The following CATSPERE variants were observed in gnomAD, a reference collection of about 807,000 sequenced individuals.
CATSPERE encodes the protein catsper channel auxiliary subunit epsilon, also known as cation channel sperm-associated auxiliary subunit epsilon.
In CATSPERE, 93 loss-of-function variants were observed where a neutral mutation model predicts 114.1. The observed-to-expected ratio is 0.81, with a 90% confidence interval of 0.69 to 0.97. The LOEUF is 0.97. Among genes scored for constraint, CATSPERE ranks in the 50% least tolerant of loss-of-function variants. The pLI is 0.00. For synonymous variants in CATSPERE, 341 were observed against 384.1 expected (o/e 0.89, Z 1.31); for missense variants, 1,058 against 1,131.6 (o/e 0.93, Z 0.93).
At chr1:244,454,739 T>C (rs1388448408) in intron 1 of CATSPERE, 3 of 152,560 alleles carry the variant, frequency 2.0e-5, no homozygotes, top group African/African-American at 7.2e-5. Context: ...AGTCTTAGGC[T>C]GTAGCAAATC....
intron 2 of CATSPERE, among the ~76,000 whole-genome samples, chr1:244,468,200 C>T (rs572211701): frequency 6.6e-6 from 1 of 151,906 alleles, no homozygotes; most frequent in African/African-American, 2.4e-5. Flanking sequence ...TCAAGCAATT[C>T]TTCTGCCTCA....
intron 11 of CATSPERE, among the ~76,000 whole-genome samples, chr1:244,576,248 C>A (rs992286024): frequency 6.6e-6 from 1 of 151,888 alleles, no homozygotes; most frequent in South Asian, 2.1e-4. Context: ...CCCCTGAGGC[C>A]ACTGCAGTGA....
At chr1:244,588,636 C>G (rs1290879120) in intron 14 of CATSPERE, 102 bp downstream of exon 14, 7 of 905,214 alleles carry the variant, frequency 7.7e-6, no homozygotes, top group Non-Finnish European at 1.3e-5. Context: ...ACTGACACAT[C>G]CACAATGAAA....
At chr1:244,498,925 T>A in intron 6 of CATSPERE, 77 bp from the exon 7 acceptor site, 1 of 1,065,626 alleles carries the variant, frequency 9.4e-7, no homozygotes, top group Non-Finnish European at 1.4e-6. Flanking sequence ...AAAACATGTT[T>A]ATGGTTATGT....
intron 11 of CATSPERE, among the ~76,000 whole-genome samples, chr1:244,581,543 T>C (rs1371232931): frequency 6.6e-6 from 1 of 152,232 alleles, no homozygotes; most frequent in East Asian, 1.9e-4. Context: ...GAATTTTACA[T>C]TTAACAGCTC....
Position 244,635,549 on chromosome 1 carries a change from A to G in CATSPERE, c.2702+7A>G, listed in dbSNP as rs773123349. 1 of 1,608,132 alleles carries G rather than the reference A, an allele frequency of 6.2e-7. No individual in the cohort carries two copies. The highest frequency in any genetic ancestry group is 8.5e-7 in the Non-Finnish European group (1 of 1,175,002). On this transcript the variant is annotated splice_region_variant and intron_variant, in intron 21 of 21. Transcript: ENST00000366534. ...CATTTGGACTGATTCCCAGGTAAGG[A>G]GCAGGGCCTAACTGGACTTTAATTA...
At chr1:244,559,711 A>G (rs1662250877) in intron 9 of CATSPERE, among the ~76,000 whole-genome samples, 1 of 152,186 alleles carries the variant, frequency 6.6e-6, no homozygotes, top group South Asian at 2.1e-4. Flanking sequence ...ATTTGAAGAG[A>G]CTTTATATAT....
At chr1:244,587,756 A>T in intron 13 of CATSPERE, among the ~76,000 whole-genome samples, 1 of 152,248 alleles carries the variant, frequency 6.6e-6, no homozygotes, top group East Asian at 1.9e-4. Flanking sequence ...CGTGATGCTC[A>T]GTACCCTGAG....
At position 244,464,242 on chromosome 1, in the gene CATSPERE, G is replaced by A. The variant is rs2148074206; in HGVS notation, c.114+286G>A. ...TTCAGTATATTGCCTAAACCCATGA[G>A]AATGGGAGTGCTATTAATAATTATA... On this transcript the variant is annotated intron_variant, in intron 2 of 21. Coordinates refer to ENST00000366534, the MANE Select transcript of CATSPERE (RefSeq NM_001130957.2). Among the ~76,000 whole-genome samples the A allele has an allele frequency of 3.3e-5, 5 of 152,286 alleles. 1 individual carries two copies. The highest frequency in any genetic ancestry group is 3.3e-4 in the Admixed American group (5 of 15,292).
intron 8 of CATSPERE, among the ~76,000 whole-genome samples, chr1:244,543,548 G>C (rs1157043766): frequency 1.3e-5 from 2 of 151,348 alleles, no homozygotes; most frequent in Middle Eastern, 3.5e-3. Flanking sequence ...TACAGGAGGA[G>C]TAAGTTGTCA....
At chr1:244,543,153 G>T (rs1274204106) in intron 8 of CATSPERE, among the ~76,000 whole-genome samples, 1 of 152,142 alleles carries the variant, frequency 6.6e-6, no homozygotes, top group East Asian at 1.9e-4. Context: ...CAAAGGAATG[G>T]AAATCAATCT....
At chr1:244,639,299 C>G (rs1316925693) in intron 21 of CATSPERE, among the ~76,000 whole-genome samples, 3 of 152,180 alleles carry the variant, frequency 2.0e-5, no homozygotes, top group Non-Finnish European at 4.4e-5. Flanking sequence ...AACTCCTACT[C>G]CCACTCATAC....
intron 8 of CATSPERE, among the ~76,000 whole-genome samples, chr1:244,523,149 G>A (rs1314848467): frequency 1.3e-5 from 2 of 148,886 alleles, no homozygotes; most frequent in African/African-American, 5.2e-5. Context: ...TGATCGAGTG[G>A]GCTTCATCCC....
chr1:244,463,593 C>T (rs1667142770), intron 1 of CATSPERE, among the ~76,000 whole-genome samples: 1 of 150,364 alleles, frequency 6.7e-6, no homozygotes, highest in South Asian at 2.1e-4. Context: ...CTTACTTTAA[C>T]TCTTTATAAG....
chr1:244,476,433 A>G (rs1475328983), intron 2 of CATSPERE, among the ~76,000 whole-genome samples: 2 of 152,110 alleles, frequency 1.3e-5, no homozygotes, highest in Admixed American at 6.5e-5. Context: ...ATCTACCACT[A>G]TATTTATGGC....
chr1:244,496,507 A>C (rs374496774), intron 6 of CATSPERE, among the ~76,000 whole-genome samples: 5 of 152,318 alleles, frequency 3.3e-5, no homozygotes, highest in Admixed American at 6.5e-5. Flanking sequence ...GAAAGAGTAC[A>C]AAAGCAAAGA....
At chr1:244,631,796 T>C (rs559954632) in intron 20 of CATSPERE, among the ~76,000 whole-genome samples, 1 of 152,300 alleles carries the variant, frequency 6.6e-6, no homozygotes, top group Non-Finnish European at 1.5e-5. Context: ...ACACTGACAA[T>C]ATCAAATCTG....
At chr1:244,520,400 C>A (rs1276208631) in intron 8 of CATSPERE, among the ~76,000 whole-genome samples, 3 of 151,966 alleles carry the variant, frequency 2.0e-5, no homozygotes, top group Admixed American at 6.6e-5. Flanking sequence ...CTGTTGTTTC[C>A]CCCATTGAAT....
At chr1:244,543,457 A>G (rs190085815) in intron 8 of CATSPERE, among the ~76,000 whole-genome samples, 78 of 152,052 alleles carry the variant, frequency 5.1e-4, no homozygotes, top group Middle Eastern at 6.8e-3. Flanking sequence ...AGTAGAGAGT[A>G]GAATGATGGT....
Sources: allele counts gnomAD v4.1 joint callset (sites outside exome capture counted in the v4.1 genomes callset), GRCh38; gene constraint gnomAD v4.1.1; transcripts MANE v1.5; gene names NCBI Gene and HGNC (gene_info 2026-07-23, HGNC 2026-07-21).